Variants in PAX5 observed in about 807,000 individuals in gnomAD.
The protein encoded by PAX5 is paired box protein Pax-5.
PAX5 carries 9 observed loss-of-function variants against 43.7 expected under a neutral mutation model. The ratio of observed to expected loss-of-function variants is 0.21; its 90% CI spans 0.12 to 0.36. PAX5 has a LOEUF of 0.36. Ranked by LOEUF, PAX5 falls within the 10% of genes least tolerant of loss-of-function variation. The pLI, the probability that PAX5 is intolerant of heterozygous loss-of-function variation, is 1.00. For missense variants in PAX5, 383 were observed against 532.7 expected (o/e 0.72, Z 2.77); for synonymous variants, 228 against 214.3 (o/e 1.06, Z -0.56).
intron 6 of PAX5, among the ~76,000 whole-genome samples, chr9:36,938,106 T>C (rs1367550654): frequency 1.3e-5 from 2 of 152,200 alleles, no homozygotes; most frequent in Non-Finnish European, 2.9e-5. Context: ...TAGACAAAAC[T>C]AGCACAGCAA....
intron 7 of PAX5, among the ~76,000 whole-genome samples, chr9:36,904,171 G>T (rs1235747936): frequency 1.3e-5 from 2 of 152,302 alleles, no homozygotes; most frequent in East Asian, 1.9e-4. Context: ...CAGAGGGAGT[G>T]GATGGGAGCA....
At chr9:36,895,962 C>G (rs1292312993) in intron 7 of PAX5, among the ~76,000 whole-genome samples, 1 of 152,156 alleles carries the variant, frequency 6.6e-6, no homozygotes, top group African/African-American at 2.4e-5. Context: ...CAGCCCTGGA[C>G]TAGGAGTCAG....
At chr9:37,016,543 A>G (rs1208593754) in intron 2 of PAX5, among the ~76,000 whole-genome samples, 3 of 152,220 alleles carry the variant, frequency 2.0e-5, no homozygotes, top group African/African-American at 7.2e-5. Context: ...GAAGAGTGTC[A>G]TGAAACATCA....
chr9:36,955,782 AAT>A (rs10593538), intron 6 of PAX5, among the ~76,000 whole-genome samples: 16,784 of 132,066 alleles, frequency 0.13, 998 homozygotes, highest in Middle Eastern at 0.21. Context: ...AAAAAAAAAA[AAT>A]ATATATATAT....
At chr9:36,890,222 G>A (rs1827261473) in intron 7 of PAX5, among the ~76,000 whole-genome samples, 1 of 151,962 alleles carries the variant, frequency 6.6e-6, no homozygotes, top group African/African-American at 2.4e-5. Context: ...GAGAAAGAAG[G>A]AAGCAAGCCA....
chr9:36,906,687 C>T (rs557180263), intron 7 of PAX5, among the ~76,000 whole-genome samples: 2 of 152,216 alleles, frequency 1.3e-5, no homozygotes, highest in African/African-American at 4.8e-5. Context: ...CTGGACAGAT[C>T]CCCCCGCAAG....
chr9:37,016,574 C>A (rs763913933), intron 2 of PAX5, among the ~76,000 whole-genome samples: 4 of 152,144 alleles, frequency 2.6e-5, no homozygotes, highest in Non-Finnish European at 5.9e-5. Flanking sequence ...GGATAATTGA[C>A]ATAATTTCTT....
rs567275003 is a variant in PAX5, at chr9:36,834,411, T to G, written c.*6149A>C. 4.8e-5 allele frequency: 9 copies of G among 189,082 alleles called. No individual in the cohort carries two copies. The highest frequency in any genetic ancestry group is 2.6e-4 in the Admixed American group (3 of 11,418). The allele number at this position is 189,082 out of a possible 1,614,324, so 11.7% of individuals were successfully genotyped here. ...CAAGTATGTCTGAGGTGTAGGGGAG[T>G]GAGTGAGTGTGTGTGTGTGTGTGTG... is the stretch of plus-strand genomic sequence containing the variant. On this transcript the variant is annotated 3_prime_UTR_variant, in exon 10 of 10. Transcript: ENST00000358127.
chr9:37,013,881 C>A (rs374018098), intron 3 of PAX5, among the ~76,000 whole-genome samples: 1 of 152,192 alleles, frequency 6.6e-6, no homozygotes. Flanking sequence ...ACTCCCACAG[C>A]GATCTGTGCA....
chr9:36,859,980 A>C (rs546342851), intron 8 of PAX5, among the ~76,000 whole-genome samples: 17 of 151,640 alleles, frequency 1.1e-4, no homozygotes, highest in African/African-American at 4.1e-4. Flanking sequence ...GCTTGCAGTT[A>C]GCTGAGATCA....
chr9:36,927,664 C>T (rs180811090), intron 6 of PAX5, among the ~76,000 whole-genome samples: 4 of 152,062 alleles, frequency 2.6e-5, no homozygotes, highest in South Asian at 2.1e-4. Flanking sequence ...CACTTGGAAA[C>T]GAGTCCTTAG....
chr9:37,026,459 C>T (rs1177542122), intron 1 of PAX5: 5 of 1,228,874 alleles, frequency 4.1e-6, no homozygotes. Context: ...GGCCTTAGTA[C>T]CTGACCCACG....
chr9:37,024,317 C>G (rs1398209675), intron 1 of PAX5, among the ~76,000 whole-genome samples: 1 of 152,088 alleles, frequency 6.6e-6, no homozygotes, highest in Non-Finnish European at 1.5e-5. Context: ...CTGGAAGTCC[C>G]TGCTCCTCTC....
chr9:36,906,184 T>G (rs2131880331), intron 7 of PAX5, among the ~76,000 whole-genome samples: 1 of 152,312 alleles, frequency 6.6e-6, no homozygotes, highest in African/African-American at 2.4e-5. Context: ...TACATCCTAA[T>G]TCCCAGAACC....
At chr9:37,000,101 A>T (rs1356413717) in intron 5 of PAX5, among the ~76,000 whole-genome samples, 2 of 152,128 alleles carry the variant, frequency 1.3e-5, no homozygotes, top group Non-Finnish European at 2.9e-5. Context: ...CGGAAGTGAC[A>T]GTCTCTGCCT....
At chr9:36,878,013 G>A (rs534673322) in intron 8 of PAX5, among the ~76,000 whole-genome samples, 1 of 152,328 alleles carries the variant, frequency 6.6e-6, no homozygotes, top group East Asian at 1.9e-4. Flanking sequence ...CAATGCAGCT[G>A]CAGCCAGGGA....
intron 6 of PAX5, among the ~76,000 whole-genome samples, chr9:36,940,480 C>T (rs1831954348): frequency 6.6e-6 from 1 of 152,144 alleles, no homozygotes; most frequent in South Asian, 2.1e-4. Context: ...ATTTTAAAGA[C>T]GTGTGGCGCA....
intron 8 of PAX5, among the ~76,000 whole-genome samples, chr9:36,852,594 C>A (rs982705152): frequency 2.0e-5 from 3 of 152,236 alleles, no homozygotes; most frequent in Non-Finnish European, 2.9e-5. Context: ...GAGGAGGACG[C>A]GGAGCAGAGG....
At chr9:36,883,621 A>G (rs1367434706) in intron 7 of PAX5, among the ~76,000 whole-genome samples, 1 of 152,160 alleles carries the variant, frequency 6.6e-6, no homozygotes, top group Non-Finnish European at 1.5e-5. Context: ...CAGTGAGCTG[A>G]GGTGGCACCA....
Sources: gnomAD v4.1 joint callset for allele counts (sites outside exome capture counted in the v4.1 genomes callset) on GRCh38, gnomAD v4.1.1 for gene constraint, MANE v1.5 for transcripts, NCBI Gene and HGNC (gene_info 2026-07-23, HGNC 2026-07-21) for gene names.